Variants in CYFIP1 observed in about 807,000 individuals in gnomAD.
CYFIP1 encodes cytoplasmic FMR1-interacting protein 1.
Under a neutral mutation model 163.5 loss-of-function variants are expected in CYFIP1, and 58 were observed. The ratio of observed to expected loss-of-function variants is 0.35; its 90% CI spans 0.29 to 0.44. The LOEUF (loss-of-function observed/expected upper bound fraction) is 0.44, where lower values mean the gene tolerates loss of function less well. CYFIP1 is among the 20% of genes least tolerant of loss of function. The pLI, the probability that CYFIP1 is intolerant of heterozygous loss-of-function variation, is 1.00. For synonymous variants in CYFIP1, 663 were observed against 660.7 expected (o/e 1.00, Z -0.05); for missense variants, 1,338 against 1,653.8 (o/e 0.81, Z 3.31).
At chr15:22,893,302 C>A (rs1312018848) in intron 22 of CYFIP1, among the ~76,000 whole-genome samples, 5 of 152,170 alleles carry the variant, frequency 3.3e-5, no homozygotes, top group African/African-American at 1.2e-4. Flanking sequence ...GACGGTGGGG[C>A]AGCTGCCTGT....
chr15:22,889,086 T>C (rs1194602326), intron 23 of CYFIP1, among the ~76,000 whole-genome samples: 3 of 151,076 alleles, frequency 2.0e-5, no homozygotes, highest in African/African-American at 7.3e-5. Flanking sequence ...AGAAAAACCA[T>C]GTACTAGCTT....
chr15:22,893,866 G>C (rs1197907367), intron 22 of CYFIP1, among the ~76,000 whole-genome samples: 2 of 152,184 alleles, frequency 1.3e-5, no homozygotes, highest in Non-Finnish European at 2.9e-5. Flanking sequence ...GCATCTGCGT[G>C]AGTCCATGTA....
At chr15:22,934,021 C>CAAAA in intron 9 of CYFIP1, 128 bp from the exon 10 acceptor site, 1 of 499,202 alleles carries the variant, frequency 2.0e-6, no homozygotes, top group Non-Finnish European at 3.5e-6. Context: ...TGATTCATTA[C>CAAAA]AAAAAAAAAA....
chr15:22,925,894 C>A lies in CYFIP1; in HGVS notation c.1359+88G>T, dbSNP rs1438444616. 7.1e-6 allele frequency: 11 copies of A among 1,554,376 alleles called. No individual in the cohort carries two copies. In the Admixed American group the frequency reaches 1.6e-4, roughly 22 times the overall value. On this transcript the variant is annotated intron_variant, in intron 13 of 30. Coordinates refer to ENST00000617928, the MANE Select transcript of CYFIP1 (RefSeq NM_014608.6). ...CACACAGAAGCAATGAGTAAACAGG[C>A]AGTTTTGTTCATGTTTTTGCTTTTG...
Position 22,867,077 on chromosome 15 carries a change from G to A in CYFIP1, c.*2951C>T, listed in dbSNP as rs1485495708. ...TTTCTATTAACATTTTATTGTTGTA[G>A]AAGTATTTTACATTTTCATCCCTTC... is the stretch of plus-strand genomic sequence containing the variant. On this transcript the variant is annotated 3_prime_UTR_variant, in exon 31 of 31. Coordinates refer to ENST00000617928, the MANE Select transcript of CYFIP1 (RefSeq NM_014608.6). 2.8e-5 allele frequency: 14 copies of A among 504,410 alleles called. No individual in the cohort carries two copies. The highest frequency in any genetic ancestry group is 4.8e-5 in the Non-Finnish European group (14 of 290,276). 31.2% of individuals were successfully genotyped at this position (504,410 alleles called of 1,614,324 possible).
rs570855287 is a variant in CYFIP1, at chr15:22,973,313, A to C, written c.-7+6974T>G. ...TGGGTGACAGAACGAGACCTTGTCA[A>C]AAAAAAAAAAAAAAAAAAAAAAGGG... On this transcript the variant is annotated intron_variant, in intron 1 of 30. Transcript: ENST00000617928. Among the ~76,000 whole-genome samples, 19 of 53,368 alleles carry C rather than the reference A, an allele frequency of 3.6e-4. No homozygotes were observed. The South Asian group carries it at 7.6e-3, about 21-fold the overall frequency. The allele number at this position is 53,368 out of a possible 152,430, so 35.0% of individuals were successfully genotyped here.
chr15:22,876,757 G>A (rs182808313), intron 26 of CYFIP1, among the ~76,000 whole-genome samples: 2 of 152,208 alleles, frequency 1.3e-5, no homozygotes, highest in African/African-American at 4.8e-5. Context: ...CTTGAACCCA[G>A]GAGGTAGAAG....
intron 1 of CYFIP1, among the ~76,000 whole-genome samples, chr15:22,970,103 G>C (rs541745203): frequency 2.0e-5 from 3 of 152,198 alleles, no homozygotes; most frequent in Admixed American, 6.5e-5. Context: ...TTTTAGCAAT[G>C]AACAATCCCA....
intron 16 of CYFIP1, among the ~76,000 whole-genome samples, 181 bp downstream of exon 16, chr15:22,916,296 C>T (rs531253871): frequency 2.6e-5 from 4 of 152,318 alleles, no homozygotes; most frequent in African/African-American, 2.4e-5. Context: ...GTAGGGACCA[C>T]GCCCTGTGGA....
At chr15:22,881,805 C>G in intron 25 of CYFIP1, 41 bp downstream of exon 25, 1 of 1,582,630 alleles carries the variant, frequency 6.3e-7, no homozygotes, top group Non-Finnish European at 8.6e-7. Context: ...TTTCTGACCT[C>G]TCCACAGACA....
At chr15:22,957,594 T>C (rs564248098) in intron 1 of CYFIP1, among the ~76,000 whole-genome samples, 20 of 152,140 alleles carry the variant, frequency 1.3e-4, no homozygotes, top group East Asian at 1.9e-4. Flanking sequence ...CGAGATCGTG[T>C]CACTGCACTC....
At chr15:22,904,168 C>G in intron 21 of CYFIP1, 1 of 545,600 alleles carries the variant, frequency 1.8e-6, no homozygotes. Flanking sequence ...TGTGGGGCAG[C>G]GTGCACGTGT....
chr15:22,951,581 T>A (rs1390280971), intron 1 of CYFIP1: 1 of 1,280,892 alleles, frequency 7.8e-7, no homozygotes, highest in East Asian at 5.6e-5. Context: ...TTCTGCGGCC[T>A]GAACCCAGAT....
intron 22 of CYFIP1, among the ~76,000 whole-genome samples, chr15:22,896,066 G>T (rs767458850): frequency 1.3e-5 from 2 of 152,160 alleles, no homozygotes; most frequent in East Asian, 3.9e-4. Flanking sequence ...ACTGTAACCT[G>T]CTGGTTAGAA....
chr15:22,907,377 A>C (rs892526893), intron 21 of CYFIP1, among the ~76,000 whole-genome samples: 4 of 152,104 alleles, frequency 2.6e-5, no homozygotes, highest in Admixed American at 6.5e-5. Flanking sequence ...TGACTAAAGG[A>C]CTGTGGTATC....
At chr15:22,883,632 A>G (rs907501184) in intron 23 of CYFIP1, among the ~76,000 whole-genome samples, 1 of 152,072 alleles carries the variant, frequency 6.6e-6, no homozygotes, top group African/African-American at 2.4e-5. Context: ...CCTGGCTAAC[A>G]CGGTGAAACC....
upstream of CYFIP1, among the ~76,000 whole-genome samples, chr15:22,980,596 C>T (rs1041433791): frequency 2.6e-5 from 4 of 152,070 alleles, no homozygotes; most frequent in Non-Finnish European, 5.9e-5. Context: ...GCAGCCTGCG[C>T]GGGACGGCGG....
At chr15:22,895,053 C>T (rs911582571) in intron 22 of CYFIP1, among the ~76,000 whole-genome samples, 2 of 149,366 alleles carry the variant, frequency 1.3e-5, no homozygotes, top group Non-Finnish European at 3.0e-5. Context: ...CTTGCTCTGT[C>T]GCCCAGGCTG....
intron 1 of CYFIP1, among the ~76,000 whole-genome samples, chr15:22,966,125 G>A (rs890795924): frequency 6.6e-6 from 1 of 151,894 alleles, no homozygotes. Context: ...GAGGCGGGTG[G>A]ATCACCTGAG....
Sources: allele counts gnomAD v4.1 joint callset (sites outside exome capture counted in the v4.1 genomes callset), GRCh38; gene constraint gnomAD v4.1.1; transcripts MANE v1.5; gene names NCBI Gene and HGNC (gene_info 2026-07-23, HGNC 2026-07-21).